The following RABGAP1L variants were observed in gnomAD, a reference collection of about 807,000 sequenced individuals.
RABGAP1L encodes RAB GTPase activating protein 1 like.
In RABGAP1L, 63 loss-of-function variants were observed where a neutral mutation model predicts 137.7. That is an observed-to-expected ratio of 0.46 (90% CI 0.37 to 0.56). RABGAP1L has a LOEUF of 0.56. RABGAP1L is among the 20% of genes least tolerant of loss of function. The probability of loss-of-function intolerance (pLI) is 0.00; values close to 1 mark genes in which losing one functional copy is unlikely to be tolerated. For synonymous variants in RABGAP1L, 431 were observed against 433.7 expected (o/e 0.99, Z 0.08); for missense variants, 1,095 against 1,244.0 (o/e 0.88, Z 1.80).
At chr1:174,218,921 C>T (rs1190589306) in intron 1 of RABGAP1L, among the ~76,000 whole-genome samples, 1 of 151,936 alleles carries the variant, frequency 6.6e-6, no homozygotes, top group Non-Finnish European at 1.5e-5. Context: ...CTCTATTAGT[C>T]TGGAAACTTA....
At chr1:174,166,664 G>A (rs2148207022) in intron 1 of RABGAP1L, among the ~76,000 whole-genome samples, 1 of 152,296 alleles carries the variant, frequency 6.6e-6, no homozygotes. Flanking sequence ...TTGAAGTACT[G>A]GTGGCAGTTC....
At chr1:174,570,936 G>A (rs1274856061) in intron 13 of RABGAP1L, among the ~76,000 whole-genome samples, 1 of 152,118 alleles carries the variant, frequency 6.6e-6, no homozygotes, top group Non-Finnish European at 1.5e-5. Context: ...CCAAAAGAAA[G>A]GAAATGAGTA....
intron 13 of RABGAP1L, among the ~76,000 whole-genome samples, chr1:174,434,468 T>A (rs755964953): frequency 6.6e-6 from 1 of 152,230 alleles, no homozygotes; most frequent in Non-Finnish European, 1.5e-5. Context: ...GGACAATATG[T>A]TTTCCTTTCT....
intron 24 of RABGAP1L, among the ~76,000 whole-genome samples, chr1:174,987,800 G>C (rs1351470215): frequency 6.6e-6 from 1 of 152,106 alleles, no homozygotes; most frequent in African/African-American, 2.4e-5. Context: ...GCATGTGGTA[G>C]AGTTATTTTA....
At position 174,252,526 on chromosome 1, in the gene RABGAP1L, G is replaced by A; in HGVS notation, c.922G>A (p.Gly308Arg). 1 of 1,612,836 alleles carries A rather than the reference G, an allele frequency of 6.2e-7. No homozygotes were observed. Among genetic ancestry groups the A allele is most frequent in the Non-Finnish European group, 8.5e-7 (1 of 1,179,546 alleles). The stretch of plus-strand genomic sequence containing the variant: ...TAAATTTTATTTCAAATTAAAGCAA[G>A]GAATAGAGAAGAAGGTTGTGATTAC... ...RDKFYFKLKQ[G>R]IEKKVVITVQ... Residue 308 changes from glycine (G) to arginine (R), a missense_variant, in exon 7 of 26, where the codon GGA becomes AGA. Gly to Arg is a moderately radical substitution (Grantham distance 125). Coordinates refer to ENST00000681986, the MANE Select transcript of RABGAP1L (RefSeq NM_001366446.1).
Position 174,954,881 on chromosome 1 carries a change from A to G in RABGAP1L, c.2341-2576A>G, listed in dbSNP as rs188797548. Among the ~76,000 whole-genome samples, 5 of 152,268 alleles carry G rather than the reference A, an allele frequency of 3.3e-5. No individual in the cohort carries two copies. In the East Asian group the frequency reaches 7.7e-4, roughly 23 times the overall value. On this transcript the variant is annotated intron_variant, in intron 19 of 25. Transcript: ENST00000681986. ...CCCCTTTTTCTATAGCTCCAGGGCT[A>G]TTTTAGTGCTAGTGATTTGCAACTT... is the stretch of plus-strand genomic sequence containing the variant.
intron 13 of RABGAP1L, among the ~76,000 whole-genome samples, chr1:174,541,788 AG>A (rs1451936318): frequency 6.6e-6 from 1 of 151,976 alleles, no homozygotes; most frequent in Non-Finnish European, 1.5e-5. Context: ...AAAAAAAAAA[AG>A]TTTTTAGCGT....
At position 174,571,475 on chromosome 1, in the gene RABGAP1L, A is replaced by T. The variant is rs1037782792; in HGVS notation, c.1711-65900A>T. 4.6e-5 allele frequency among the ~76,000 whole-genome samples: 7 copies of T among 152,288 alleles called. No homozygotes were observed. The South Asian group carries it at 1.4e-3, about 32-fold the overall frequency. On this transcript the variant is annotated intron_variant, in intron 13 of 25. Transcript: ENST00000681986. Reference sequence around the variant, plus strand: ...AAATGCTTGAGGGGGATGGATACCCAGTTTTCCATGATGTAATTATTACTC... The same window carrying T: ...AAATGCTTGAGGGGGATGGATACCCTGTTTTCCATGATGTAATTATTACTC...
intron 13 of RABGAP1L, among the ~76,000 whole-genome samples, chr1:174,614,306 T>A (rs889121571): frequency 2.0e-5 from 3 of 152,206 alleles, no homozygotes; most frequent in Admixed American, 6.5e-5. Context: ...TTATTTCTCC[T>A]TCACTTATGA....
intron 19 of RABGAP1L, among the ~76,000 whole-genome samples, chr1:174,823,087 A>G (rs1192066827): frequency 1.3e-5 from 2 of 152,210 alleles, no homozygotes; most frequent in Non-Finnish European, 2.9e-5. Flanking sequence ...ATGCATAATT[A>G]ACAACAAAAA....
intron 18 of RABGAP1L, among the ~76,000 whole-genome samples, chr1:174,775,625 T>C (rs918141829): frequency 6.6e-6 from 1 of 152,082 alleles, no homozygotes; most frequent in East Asian, 1.9e-4. Context: ...GAGAAAACTT[T>C]TTAAGAAAAC....
intron 7 of RABGAP1L, among the ~76,000 whole-genome samples, chr1:174,259,206 T>C (rs979875980): frequency 6.6e-5 from 10 of 152,192 alleles, no homozygotes; most frequent in African/African-American, 2.4e-4. Context: ...CAGTTGTCTG[T>C]CTTGACCCTT....
intron 3 of RABGAP1L, among the ~76,000 whole-genome samples, chr1:174,225,356 G>A (rs1210733476): frequency 6.6e-6 from 1 of 151,880 alleles, no homozygotes; most frequent in Non-Finnish European, 1.5e-5. Flanking sequence ...GGGACATCTT[G>A]GGATTGGTCT....
chr1:174,410,738 A>G (rs754518246), intron 13 of RABGAP1L, among the ~76,000 whole-genome samples: 1 of 152,172 alleles, frequency 6.6e-6, no homozygotes, highest in Admixed American at 6.5e-5. Flanking sequence ...TTTTGGTTCC[A>G]TATGAATTTT....
intron 17 of RABGAP1L, among the ~76,000 whole-genome samples, chr1:174,730,327 G>A (rs868024950): frequency 1.3e-5 from 2 of 152,194 alleles, no homozygotes; most frequent in African/African-American, 4.8e-5. Flanking sequence ...GGGAGGAAAA[G>A]GGTGGGAACA....
At chr1:174,386,421 A>G (rs1196292683) in intron 12 of RABGAP1L, among the ~76,000 whole-genome samples, 3 of 152,178 alleles carry the variant, frequency 2.0e-5, no homozygotes, top group African/African-American at 7.2e-5. Context: ...TATCAAGTAA[A>G]TGACAGAGCC....
At chr1:174,491,049 C>G (rs919827811) in intron 13 of RABGAP1L, among the ~76,000 whole-genome samples, 1 of 152,156 alleles carries the variant, frequency 6.6e-6, no homozygotes, top group Non-Finnish European at 1.5e-5. Context: ...AAGAACCTGC[C>G]TCATGCTCTA....
chr1:174,976,034 CTGT>C, intron 21 of RABGAP1L, 41 bp from the exon 22 acceptor site: 1 of 1,481,720 alleles, frequency 6.7e-7, no homozygotes. Flanking sequence ...TCTTTACCCT[CTGT>C]ATGACTGTGA....
intron 4 of RABGAP1L, among the ~76,000 whole-genome samples, chr1:174,238,602 A>T (rs1671451116): frequency 6.6e-6 from 1 of 151,256 alleles, no homozygotes; most frequent in African/African-American, 2.4e-5. Flanking sequence ...TCAGGGACCC[A>T]CTTGAGGAGG....
Sources: gnomAD v4.1 joint callset for allele counts (sites outside exome capture counted in the v4.1 genomes callset) on GRCh38, gnomAD v4.1.1 for gene constraint, MANE v1.5 for transcripts, NCBI Gene and HGNC (gene_info 2026-07-23, HGNC 2026-07-21) for gene names.